Variants in HDHD2 observed in about 807,000 individuals in gnomAD.
The protein encoded by HDHD2 is haloacid dehalogenase-like hydrolase domain-containing protein 2.
A neutral mutation model predicts 24.8 loss-of-function variants in HDHD2; 26 were observed. That is an observed-to-expected ratio of 1.05 (90% CI 0.77 to 1.45). HDHD2 has a LOEUF of 1.45. HDHD2 is among the 40% of genes most tolerant of loss of function. The pLI, the probability that HDHD2 is intolerant of heterozygous loss-of-function variation, is 0.00. For synonymous variants in HDHD2, 128 were observed against 114.9 expected, an observed-to-expected ratio of 1.11 and a Z score of -0.73; for missense variants, 299 against 313.4, an observed-to-expected ratio of 0.95 and a Z score of 0.35.
chr18:47,147,626 A>C (rs2063885232), intron 1 of HDHD2, among the ~76,000 whole-genome samples: 1 of 152,248 alleles, frequency 6.6e-6, no homozygotes, highest in African/African-American at 2.4e-5. Context: ...TAAAGAACAA[A>C]TATGAACAAG....
At chr18:47,142,182 T>C (rs2063825498) in intron 1 of HDHD2, among the ~76,000 whole-genome samples, 1 of 152,014 alleles carries the variant, frequency 6.6e-6, no homozygotes, top group Non-Finnish European at 1.5e-5. Flanking sequence ...GATTTTTAGA[T>C]GATTGGGAAA....
At chr18:47,126,670 T>C (rs1684760548) in intron 4 of HDHD2, among the ~76,000 whole-genome samples, 1 of 152,116 alleles carries the variant, frequency 6.6e-6, no homozygotes, top group African/African-American at 2.4e-5. Context: ...TTTAATAAGC[T>C]ACTCTAGGAG....
chr18:47,116,331 G>A (rs1001361268), intron 4 of HDHD2, among the ~76,000 whole-genome samples: 2 of 152,076 alleles, frequency 1.3e-5, no homozygotes, highest in Non-Finnish European at 2.9e-5. Context: ...CATCTACTTC[G>A]TTAAAATATT....
At chr18:47,110,731 T>C in intron 6 of HDHD2, 1 of 985,406 alleles carries the variant, frequency 1.0e-6, no homozygotes. Context: ...TGTGCTTTCA[T>C]GGATGGATAA....
intron 3 of HDHD2, among the ~76,000 whole-genome samples, chr18:47,132,433 T>C (rs1455225255): frequency 6.6e-6 from 1 of 152,246 alleles, no homozygotes; most frequent in Non-Finnish European, 1.5e-5. Flanking sequence ...TGTATTTTTG[T>C]ATCTATATTT....
At chr18:47,113,108 T>G in intron 5 of HDHD2, 68 bp from the exon 6 acceptor site, 1 of 1,312,336 alleles carries the variant, frequency 7.6e-7, no homozygotes, top group Non-Finnish European at 1.1e-6. Context: ...CATTACCAAC[T>G]GATTTATTAG....
chr18:47,136,282 C>T (rs1489350696), intron 2 of HDHD2, 57 bp downstream of exon 2: 5 of 1,602,496 alleles, frequency 3.1e-6, no homozygotes, highest in South Asian at 1.1e-5. Context: ...AATGATCTGC[C>T]GTGGTAAAAT....
In HDHD2 at chr18:47,130,338, GAA is replaced by G; in HGVS notation, c.311-12_311-11del. ...TCACTTGTTTGTATTCCTGGGAACGGAAAAAAAAAATGATTGTTGCAAATGCA... is the reference window on the plus strand; with the variant it reads ...TCACTTGTTTGTATTCCTGGGAACGGAAAAAAAATGATTGTTGCAAATGCA... On this transcript the variant is annotated splice_polypyrimidine_tract_variant and intron_variant, in intron 3 of 6. Transcript: ENST00000300605. 25 of 1,412,104 alleles carry G rather than the reference GAA, an allele frequency of 1.8e-5. No homozygotes were observed. Among genetic ancestry groups the G allele is most frequent in the Admixed American group, 6.6e-5 (3 of 45,224 alleles). The allele number at this position is 1,412,104 out of a possible 1,614,324, so 87.5% of individuals were successfully genotyped here.
At chr18:47,112,472 G>C (rs1344901908) in intron 6 of HDHD2, among the ~76,000 whole-genome samples, 2 of 152,104 alleles carry the variant, frequency 1.3e-5, no homozygotes, top group Non-Finnish European at 2.9e-5. Context: ...AAACCTAATT[G>C]TGCAGGAAAT....
intron 6 of HDHD2, chr18:47,111,696 C>T: frequency 1.0e-6 from 1 of 985,386 alleles, no homozygotes; most frequent in Non-Finnish European, 1.2e-6. Flanking sequence ...ACTTCAGGCC[C>T]CAGGAGCAAG....
chr18:47,114,904 A>T (rs1009318987), intron 5 of HDHD2, among the ~76,000 whole-genome samples: 1 of 151,798 alleles, frequency 6.6e-6, no homozygotes, highest in Non-Finnish European at 1.5e-5. Flanking sequence ...ATAACACACA[A>T]ATCTCCTATT....
chr18:47,148,095 A>G (rs1434380108), intron 1 of HDHD2, among the ~76,000 whole-genome samples: 4 of 150,156 alleles, frequency 2.7e-5, no homozygotes, highest in African/African-American at 9.8e-5. Context: ...GGCTCAAGCC[A>G]TCCTCCCACC....
intron 1 of HDHD2, among the ~76,000 whole-genome samples, chr18:47,143,128 C>T (rs13381713): frequency 0.56 from 85,204 of 151,888 alleles, 24,016 homozygotes; most frequent in Middle Eastern, 0.61. Context: ...TTTAGAAGCA[C>T]GTGTCCAAGA....
intron 3 of HDHD2, among the ~76,000 whole-genome samples, chr18:47,133,426 T>G (rs1414579236): frequency 6.6e-6 from 1 of 150,836 alleles, no homozygotes; most frequent in Non-Finnish European, 1.5e-5. Context: ...TCCAAGTCTT[T>G]GCTATTGTGA....
chr18:47,115,455 A>T, intron 4 of HDHD2, 107 bp from the exon 5 acceptor site: 1 of 682,630 alleles, frequency 1.5e-6, no homozygotes, highest in Non-Finnish European at 2.5e-6. Context: ...CCACAGAAAC[A>T]AATAGTTTCT....
At chr18:47,147,117 C>A (rs1207313504) in intron 1 of HDHD2, among the ~76,000 whole-genome samples, 1 of 152,088 alleles carries the variant, frequency 6.6e-6, no homozygotes, top group African/African-American at 2.4e-5. Flanking sequence ...GTAGTCCAGA[C>A]AATTACTATA....
intron 3 of HDHD2, among the ~76,000 whole-genome samples, chr18:47,132,780 T>C (rs2063725287): frequency 6.6e-6 from 1 of 152,244 alleles, no homozygotes; most frequent in Non-Finnish European, 1.5e-5. Context: ...AAAACTATCA[T>C]ATTCTTTCAG....
intron 2 of HDHD2, among the ~76,000 whole-genome samples, chr18:47,135,570 C>T (rs1481632060): frequency 6.6e-6 from 1 of 152,110 alleles, no homozygotes; most frequent in Non-Finnish European, 1.5e-5. Context: ...CTATGAGTCA[C>T]TAGATTTTCT....
chr18:47,135,687 A>C (rs910971179), intron 2 of HDHD2, among the ~76,000 whole-genome samples: 38 of 152,328 alleles, frequency 2.5e-4, no homozygotes, highest in African/African-American at 9.1e-4. Flanking sequence ...AAAGATCCTT[A>C]ATATATGTTA....
Sources: allele counts gnomAD v4.1 joint callset (sites outside exome capture counted in the v4.1 genomes callset), GRCh38; gene constraint gnomAD v4.1.1; transcripts MANE v1.5; gene names NCBI Gene and HGNC (gene_info 2026-07-23, HGNC 2026-07-21).